Variants in PLEKHG5 observed in about 807,000 individuals in gnomAD.
PLEKHG5 encodes pleckstrin homology and RhoGEF domain containing G5, also known as pleckstrin homology domain-containing family G member 5.
PLEKHG5 carries 52 observed loss-of-function variants against 103.8 expected under a neutral mutation model. The ratio of observed to expected loss-of-function variants is 0.50; its 90% CI spans 0.40 to 0.63. The LOEUF (loss-of-function observed/expected upper bound fraction) is 0.63, where lower values mean the gene tolerates loss of function less well. PLEKHG5 is among the 30% of genes least tolerant of loss of function. PLEKHG5 has a pLI of 0.00. For synonymous variants in PLEKHG5, 592 were observed against 575.5 expected, an observed-to-expected ratio of 1.03 and a Z score of -0.41; for missense variants, 1,205 against 1,347.6, an observed-to-expected ratio of 0.89 and a Z score of 1.66.
At chr1:6,511,835 G>A (rs1023973617) in intron 1 of PLEKHG5, among the ~76,000 whole-genome samples, 4 of 152,228 alleles carry the variant, frequency 2.6e-5, no homozygotes, top group African/African-American at 9.6e-5. Flanking sequence ...CCTGAATAGA[G>A]GAAGGGGGAG....
intron 1 of PLEKHG5, chr1:6,485,289 C>T: frequency 7.6e-7 from 1 of 1,322,776 alleles, no homozygotes; most frequent in Non-Finnish European, 9.7e-7. Flanking sequence ...GAACTGGGCA[C>T]CCAGCCCCGT....
At chr1:6,489,468 C>T (rs1327492261) in intron 1 of PLEKHG5, among the ~76,000 whole-genome samples, 1 of 152,194 alleles carries the variant, frequency 6.6e-6, no homozygotes, top group African/African-American at 2.4e-5. Context: ...CAGGAAGGCC[C>T]CTTCCTCCCC....
intron 1 of PLEKHG5, among the ~76,000 whole-genome samples, chr1:6,515,252 G>T (rs1192026827): frequency 6.6e-6 from 1 of 151,660 alleles, no homozygotes; most frequent in Non-Finnish European, 1.5e-5. Context: ...ATGAGGCCGG[G>T]TGTGGTGGCT....
chr1:6,507,777 G>A (rs773317861), intron 1 of PLEKHG5, among the ~76,000 whole-genome samples: 4 of 152,168 alleles, frequency 2.6e-5, no homozygotes, highest in African/African-American at 7.2e-5. Flanking sequence ...CTCCCGCGCC[G>A]GCACGGGGCC....
In PLEKHG5 at chr1:6,474,496, T is replaced by C; in HGVS notation, c.394A>G (p.Thr132Ala). Residue 132 changes from threonine (T) to alanine (A), a missense_variant, in exon 6 of 21, where the codon ACC becomes GCC. Thr to Ala is a moderately conservative substitution (Grantham distance 58). Transcript: ENST00000377728. ...CCCCCGAACCTGTAGGCCTCGAAGG[T>C]GAGGGACAGGGGTGTGTTGGACTGG... ...LDQSNTPLSLTFEAYRFGGHY... is the reference protein window; with the variant it reads ...LDQSNTPLSLAFEAYRFGGHY... 6.2e-7 allele frequency: 1 copy of C among 1,613,926 alleles called. No homozygotes were observed.
chr1:6,469,250 A>C lies in PLEKHG5; in HGVS notation c.2050-9T>G. 1.9e-6 allele frequency: 3 copies of C among 1,613,960 alleles called. No homozygotes were observed. Among genetic ancestry groups the C allele is most frequent in the Non-Finnish European group, 8.5e-7 (1 of 1,180,022 alleles). On this transcript the variant is annotated splice_polypyrimidine_tract_variant and intron_variant, in intron 18 of 20. Coordinates refer to ENST00000377728, the MANE Select transcript of PLEKHG5 (RefSeq NM_020631.6). ...AGCTGTTGCAGCTGGTTCTGCAGGC[A>C]AGGTTGGGGTACATGGGACAGAATG... is the stretch of plus-strand genomic sequence containing the variant.
chr1:6,468,270 G>A lies in PLEKHG5; in HGVS notation c.2566C>T (p.Pro856Ser). ...SPRVPSPPPS[P>S]RLRRRTPVQL... is the part of the protein sequence containing the mutation. ...ACAGGGGTGCGGCGGCGGAGACGGGGCGAGGGTGGAGGGGAAGGAACTCGT... is the reference window on the plus strand; with the variant it reads ...ACAGGGGTGCGGCGGCGGAGACGGGACGAGGGTGGAGGGGAAGGAACTCGT... The change falls in exon 20 of 21, where the codon CCC becomes TCC. Residue 856 changes from proline (P) to serine (S), a missense_variant. Transcript: ENST00000377728. 3.1e-6 allele frequency: 5 copies of A among 1,607,506 alleles called. No individual in the cohort carries two copies. Among genetic ancestry groups the A allele is most frequent in the Non-Finnish European group, 4.3e-6 (5 of 1,176,124 alleles).
chr1:6,519,339 C>G (rs761799815), intron 1 of PLEKHG5: 9 of 883,404 alleles, frequency 1.0e-5, no homozygotes, highest in Admixed American at 3.4e-5. Context: ...CGGACTAATT[C>G]AGTGAGTGTG....
At chr1:6,516,840 A>G (rs12728872) in intron 1 of PLEKHG5, among the ~76,000 whole-genome samples, 11 of 125,788 alleles carry the variant, frequency 8.7e-5, no homozygotes, top group East Asian at 8.4e-4. Flanking sequence ...ATGTGTGTGT[A>G]TATATATATG....
At position 6,485,113 on chromosome 1, in the gene PLEKHG5, G is replaced by A. The variant is rs958423182; in HGVS notation, c.-88+6524C>T. ...AAGAATTGGCGGGGACATCTCAGCC[G>A]GCGGGGACACACCCCGGAGTCCGAG... On this transcript the variant is annotated intron_variant, in intron 1 of 20. Coordinates refer to ENST00000377728, the MANE Select transcript of PLEKHG5 (RefSeq NM_020631.6). Among the ~76,000 whole-genome samples the A allele has an allele frequency of 4.6e-5, 7 of 152,156 alleles. No individual in the cohort carries two copies. The East Asian group carries it at 1.2e-3, about 25-fold the overall frequency.
chr1:6,503,354 C>G (rs2148631939), intron 1 of PLEKHG5, among the ~76,000 whole-genome samples: 1 of 150,930 alleles, frequency 6.6e-6, no homozygotes, highest in South Asian at 2.1e-4. Flanking sequence ...ATGCAGTGAG[C>G]TGTGATCTCG....
chr1:6,496,921 G>A (rs536471509), upstream of PLEKHG5: 269 of 1,479,472 alleles, frequency 1.8e-4, no homozygotes, highest in African/African-American at 3.6e-3. Context: ...CTGCTGGGGG[G>A]AAGGGGCTCC....
intron 1 of PLEKHG5, among the ~76,000 whole-genome samples, chr1:6,513,554 C>T (rs1177459195): frequency 1.3e-5 from 2 of 152,236 alleles, no homozygotes; most frequent in Non-Finnish European, 2.9e-5. Flanking sequence ...AGCTACATTC[C>T]AGCCTGACTG....
intron 4 of PLEKHG5, 56 bp from the exon 5 acceptor site, chr1:6,475,194 G>GCC: frequency 1.5e-6 from 1 of 648,284 alleles, no homozygotes; most frequent in South Asian, 1.6e-5. Context: ...CCTCATTCCC[G>GCC]CCCTCCTCCC....
chr1:6,518,082 G>A (rs1027873723), intron 1 of PLEKHG5, among the ~76,000 whole-genome samples: 19 of 151,760 alleles, frequency 1.3e-4, no homozygotes, highest in Non-Finnish European at 2.5e-4. Context: ...ACAGGCGCCT[G>A]CCACCACGCC....
At chr1:6,475,261 CT>C (rs1401650607) in intron 4 of PLEKHG5, 123 bp from the exon 5 acceptor site, 6 of 649,640 alleles carry the variant, frequency 9.2e-6, no homozygotes, top group Admixed American at 2.1e-5. Flanking sequence ...TCCCACCCTC[CT>C]TCCCAACCCT....
rs761860676 is a variant in PLEKHG5, at chr1:6,470,217, G to A, written c.1800+19C>T. On this transcript the variant is annotated intron_variant, in intron 16 of 20. Transcript: ENST00000377728. ...CCTAGGAAGGGCAGGGCACAGGGGT[G>A]GGGTGGCCCTGGAATCACCTTGCTG... 1.3e-5 allele frequency: 21 copies of A among 1,613,086 alleles called. No individual in the cohort carries two copies. Among genetic ancestry groups the A allele is most frequent in the African/African-American group, 4.0e-5 (3 of 74,916 alleles).
Position 6,470,461 on chromosome 1 carries a change from C to T in PLEKHG5, c.1680+45G>A, listed in dbSNP as rs1044994126. 15 of 1,611,188 alleles carry T rather than the reference C, an allele frequency of 9.3e-6. No individual in the cohort carries two copies. In the African/African-American group the frequency reaches 1.7e-4, roughly 19 times the overall value. On this transcript the variant is annotated intron_variant, in intron 15 of 20. Transcript: ENST00000377728. ...CACAGCCCCTGCCTGCCAGCTGGGC[C>T]TTCCTCTCTCCCAGCCGGCAACCCC...
intron 1 of PLEKHG5, among the ~76,000 whole-genome samples, chr1:6,517,168 G>A (rs1261177244): frequency 1.3e-5 from 2 of 151,358 alleles, no homozygotes; most frequent in African/African-American, 2.4e-5. Flanking sequence ...TTAGCCAGGT[G>A]TGGTGGTGGG....
Sources: allele counts gnomAD v4.1 joint callset (sites outside exome capture counted in the v4.1 genomes callset), GRCh38; gene constraint gnomAD v4.1.1; transcripts MANE v1.5; gene names NCBI Gene and HGNC (gene_info 2026-07-23, HGNC 2026-07-21).